ELL: variants seen among roughly 807,000 people sequenced by gnomAD.
The protein encoded by ELL is RNA polymerase II elongation factor ELL.
Under a neutral mutation model 64.0 loss-of-function variants are expected in ELL, and 18 were observed. That is an observed-to-expected ratio of 0.28 (90% CI 0.19 to 0.42). ELL has a LOEUF of 0.42. ELL is among the 10% of genes least tolerant of loss of function. ELL has a pLI of 1.00. For missense variants in ELL, 797 were observed against 870.4 expected, an observed-to-expected ratio of 0.92 and a Z score of 1.06; for synonymous variants, 399 against 376.2, an observed-to-expected ratio of 1.06 and a Z score of -0.70.
At chr19:18,509,710 A>T (rs1975976607) in intron 1 of ELL, among the ~76,000 whole-genome samples, 1 of 148,632 alleles carries the variant, frequency 6.7e-6, no homozygotes, top group African/African-American at 2.5e-5. Context: ...GGTGGATTCC[A>T]CCTGCCCACA....
At chr19:18,518,363 C>G (rs1267910334) in intron 1 of ELL, among the ~76,000 whole-genome samples, 2 of 151,554 alleles carry the variant, frequency 1.3e-5, no homozygotes, top group African/African-American at 4.9e-5. Context: ...TAGCCAGGTG[C>G]AGTGGTGCAC....
intron 1 of ELL, among the ~76,000 whole-genome samples, chr19:18,509,363 C>T (rs1195695858): frequency 2.0e-5 from 3 of 152,068 alleles, no homozygotes; most frequent in Admixed American, 2.0e-4. Flanking sequence ...CCCAACCCAG[C>T]TTACCCTCCT....
At chr19:18,516,612 G>A (rs780257468) in intron 1 of ELL, among the ~76,000 whole-genome samples, 2 of 152,120 alleles carry the variant, frequency 1.3e-5, no homozygotes, top group African/African-American at 4.8e-5. Context: ...GGTTAGATGA[G>A]TGATCTGGAG....
intron 1 of ELL, among the ~76,000 whole-genome samples, chr19:18,519,955 C>G (rs1976225020): frequency 6.6e-6 from 1 of 152,146 alleles, no homozygotes; most frequent in South Asian, 2.1e-4. Flanking sequence ...TGGAAAAGTT[C>G]TTCTAGGAAG....
At chr19:18,495,992 T>C (rs1343593966) in intron 1 of ELL, among the ~76,000 whole-genome samples, 2 of 152,060 alleles carry the variant, frequency 1.3e-5, no homozygotes, top group Admixed American at 6.5e-5. Flanking sequence ...CTCCACACAG[T>C]GGGCGTTTGG....
intron 1 of ELL, among the ~76,000 whole-genome samples, chr19:18,480,059 T>C (rs563986242): frequency 6.6e-6 from 1 of 152,290 alleles, no homozygotes; most frequent in Admixed American, 6.5e-5. Context: ...CTGTTCCTTC[T>C]TCAGAAGTCC....
chr19:18,516,213 C>A (rs982497776), intron 1 of ELL, among the ~76,000 whole-genome samples: 1 of 152,170 alleles, frequency 6.6e-6, no homozygotes, highest in Admixed American at 6.5e-5. Context: ...CACTTAGCAG[C>A]AGACAGTAGC....
intron 2 of ELL, among the ~76,000 whole-genome samples, chr19:18,468,197 AAC>A (rs1974992276): frequency 7.1e-6 from 1 of 140,644 alleles, no homozygotes; most frequent in South Asian, 2.3e-4. Context: ...AACCCACACA[AAC>A]ACAACCCCCA....
Position 18,465,294 on chromosome 19 carries a change from G to A in ELL, c.469+118C>T. 2.9e-6 allele frequency: 4 copies of A among 1,386,984 alleles called. No individual in the cohort carries two copies. The South Asian group carries it at 5.9e-5, about 21-fold the overall frequency. The allele number at this position is 1,386,984 out of a possible 1,614,324, so 85.9% of individuals were successfully genotyped here. On this transcript the variant is annotated intron_variant, in intron 4 of 11. Transcript: ENST00000262809. ...GTCCTGCTCAGGGACCGACTCCTCG[G>A]TTGACCCATCATTTCTGTGCAGGGC...
Position 18,446,324 on chromosome 19 carries a change from G to C in ELL, c.1689C>G (p.Gly563=). 6.3e-7 allele frequency: 1 copy of C among 1,590,890 alleles called. No homozygotes were observed. Among genetic ancestry groups the C allele is most frequent in the Non-Finnish European group, 8.5e-7 (1 of 1,171,744 alleles). The change falls in exon 10 of 12, where the codon GGC becomes GGG. Residue 563 remains glycine (G), a synonymous_variant. Coordinates refer to ENST00000262809, the MANE Select transcript of ELL (RefSeq NM_006532.4). ...LDAQLRQLSQ[G]SEEYETTRGQ... ...GGGGCTCTACCTCATACTCCTCGGAGCCCTGGGAGAGCTGCCGGAGCTGGG... is the reference window on the plus strand; with the variant it reads ...GGGGCTCTACCTCATACTCCTCGGACCCCTGGGAGAGCTGCCGGAGCTGGG...
intron 11 of ELL, 29 bp from the exon 12 acceptor site, chr19:18,444,897 C>T (rs1472472347): frequency 2.5e-6 from 4 of 1,593,108 alleles, no homozygotes; most frequent in Non-Finnish European, 3.4e-6. Context: ...ATGCTCAGGA[C>T]AGAGCCGCCC....
At chr19:18,462,826 A>G (rs1256118905) in intron 4 of ELL, among the ~76,000 whole-genome samples, 1 of 152,142 alleles carries the variant, frequency 6.6e-6, no homozygotes, top group Non-Finnish European at 1.5e-5. Context: ...GTCAGTAAAG[A>G]TGTCGGAGCC....
At chr19:18,495,640 G>A (rs1180978613) in intron 1 of ELL, among the ~76,000 whole-genome samples, 1 of 152,220 alleles carries the variant, frequency 6.6e-6, no homozygotes, top group Non-Finnish European at 1.5e-5. Context: ...ACAGGCGGCA[G>A]TGGCTGCCCC....
intron 11 of ELL, 149 bp downstream of exon 11, chr19:18,445,074 TG>T: frequency 8.4e-7 from 1 of 1,190,792 alleles, no homozygotes; most frequent in Non-Finnish European, 1.2e-6. Context: ...AAGACTTAGC[TG>T]GGGGTGGTGG....
chr19:18,493,307 C>T (rs1975571308), intron 1 of ELL, among the ~76,000 whole-genome samples: 1 of 152,198 alleles, frequency 6.6e-6, no homozygotes, highest in South Asian at 2.1e-4. Flanking sequence ...GAAGCTGTGC[C>T]CACACCTTCC....
At chr19:18,486,368 T>C (rs1975416996) in intron 1 of ELL, among the ~76,000 whole-genome samples, 2 of 152,214 alleles carry the variant, frequency 1.3e-5, no homozygotes, top group Non-Finnish European at 2.9e-5. Context: ...ACCCAAGATG[T>C]ACTCTGTGAC....
In ELL at chr19:18,446,790, G is replaced by T; in HGVS notation, c.1490C>A (p.Ser497Tyr). ...CTCCGACGTGGACGTGGGAACACTG[G>T]AAACGCTGCAGGTTCCGTTTAAACC... ...TPGLNGTCSV[S>Y]SVPTSTSETP... Residue 497 changes from serine (S) to tyrosine (Y), a missense_variant, in exon 9 of 12, where the codon TCC (serine) becomes TAC (tyrosine). Transcript: ENST00000262809. The T allele has an allele frequency of 6.2e-7, 1 of 1,614,088 alleles. No homozygotes were observed. The highest frequency in any genetic ancestry group is 8.5e-7 in the Non-Finnish European group (1 of 1,180,020).
intron 1 of ELL, among the ~76,000 whole-genome samples, chr19:18,512,809 A>G (rs535340113): frequency 6.6e-6 from 1 of 152,294 alleles, no homozygotes; most frequent in African/African-American, 2.4e-5. Context: ...AGGCTCAGGG[A>G]GGGTGCCAGC....
At position 18,443,334 on chromosome 19, in the gene ELL, A is replaced by C. The variant is rs1276312941; in HGVS notation, c.*1418T>G. ...GGGTGGGATACACTGTGGGCCCTCC[A>C]CAGTCAGCTCTTTGGAAGCTGTCAG... is the stretch of plus-strand genomic sequence containing the variant. On this transcript the variant is annotated 3_prime_UTR_variant, in exon 12 of 12. Transcript: ENST00000262809. 8.6e-6 allele frequency: 2 copies of C among 233,186 alleles called. No homozygotes were observed. Among genetic ancestry groups the C allele is most frequent in the Non-Finnish European group, 1.7e-5 (2 of 117,868 alleles). The allele number at this position is 233,186 out of a possible 1,614,324, so 14.4% of individuals were successfully genotyped here. A position where few individuals can be genotyped will look rare whatever the true frequency, so the allele number is the denominator to read the frequency against.
Sources: allele counts gnomAD v4.1 joint callset (sites outside exome capture counted in the v4.1 genomes callset), GRCh38; gene constraint gnomAD v4.1.1; transcripts MANE v1.5; gene names NCBI Gene and HGNC (gene_info 2026-07-23, HGNC 2026-07-21).